EPM2A: variants seen among roughly 807,000 people sequenced by gnomAD.
The protein encoded by EPM2A is laforin.
A neutral mutation model predicts 26.5 loss-of-function variants in EPM2A; 21 were observed. The observed-to-expected ratio is 0.79, with a 90% CI of 0.56 to 1.14. The LOEUF (loss-of-function observed/expected upper bound fraction) is 1.14. Among genes scored for constraint, EPM2A ranks in the 50% most tolerant of loss-of-function variants. The pLI, the probability that EPM2A is intolerant of heterozygous loss-of-function variation, is 0.00. For synonymous variants in EPM2A, 217 were observed against 177.6 expected, an observed-to-expected ratio of 1.22 and a Z score of -1.76; for missense variants, 458 against 440.8, an observed-to-expected ratio of 1.04 and a Z score of -0.35.
intron 2 of EPM2A, among the ~76,000 whole-genome samples, chr6:145,515,182 C>T (rs767546951): frequency 1.3e-5 from 2 of 152,268 alleles, no homozygotes; most frequent in South Asian, 2.1e-4. Context: ...CAGAGAAAAA[C>T]AAACATCCTT....
chr6:145,477,991 T>C (rs1341406285), intron 4 of EPM2A, among the ~76,000 whole-genome samples: 1 of 151,536 alleles, frequency 6.6e-6, no homozygotes, highest in Non-Finnish European at 1.5e-5. Context: ...AGTCAAATTA[T>C]CCTTGTTTGC....
chr6:145,472,121 G>T (rs898388593), intron 4 of EPM2A, among the ~76,000 whole-genome samples: 1 of 151,658 alleles, frequency 6.6e-6, no homozygotes, highest in Non-Finnish European at 1.5e-5. Context: ...CCCCATTTCA[G>T]GTGCTACCTC....
intron 2 of EPM2A, among the ~76,000 whole-genome samples, chr6:145,671,836 A>T (rs1313426607): frequency 6.6e-6 from 1 of 152,242 alleles, no homozygotes; most frequent in African/African-American, 2.4e-5. Context: ...AAGTATAAAC[A>T]TGCTTTTACA....
intron 1 of EPM2A, among the ~76,000 whole-genome samples, chr6:145,732,163 G>A (rs951819191): frequency 2.7e-5 from 4 of 150,330 alleles, no homozygotes; most frequent in Non-Finnish European, 4.4e-5. Context: ...ATAGGAGTTC[G>A]ATTGTTTTCT....
Position 145,735,156 on chromosome 6 carries a change from A to G in EPM2A, c.301+42T>C, listed in dbSNP as rs932167495. On this transcript the variant is annotated intron_variant, in intron 1 of 3. Coordinates refer to ENST00000367519, the MANE Select transcript of EPM2A (RefSeq NM_005670.4). ...GGCCCCGGTTGGGGGTGCGGGCCGG[A>G]GCTCCCGCTCTGCGCCGGGGGCAGG... 5 of 1,415,492 alleles carry G rather than the reference A, an allele frequency of 3.5e-6. No homozygotes were observed. The Admixed American group carries it at 7.0e-5, about 20-fold the overall frequency. 87.7% of individuals were successfully genotyped at this position (1,415,492 alleles called of 1,614,324 possible).
At chr6:145,590,976 A>G (rs1781266672) in intron 2 of EPM2A, among the ~76,000 whole-genome samples, 1 of 152,198 alleles carries the variant, frequency 6.6e-6, no homozygotes, top group Non-Finnish European at 1.5e-5. Context: ...AAGAAATCTA[A>G]TGGAAAAAGT....
intron 2 of EPM2A, among the ~76,000 whole-genome samples, chr6:145,557,602 A>C (rs1457795092): frequency 6.6e-6 from 1 of 152,100 alleles, no homozygotes. Flanking sequence ...TTATCATTTT[A>C]TTTTTAAATT....
intron 1 of EPM2A, among the ~76,000 whole-genome samples, chr6:145,729,000 G>C (rs544012464): frequency 3.9e-5 from 6 of 152,228 alleles, no homozygotes; most frequent in South Asian, 2.1e-4. Context: ...TTGGTTAAAA[G>C]GGTCCCAAAT....
chr6:145,409,719 C>T (rs1358065662), intron 4 of EPM2A, among the ~76,000 whole-genome samples: 4 of 152,226 alleles, frequency 2.6e-5, no homozygotes, highest in African/African-American at 9.6e-5. Flanking sequence ...ACTATATGAG[C>T]TAGGGGGACT....
chr6:145,734,310 T>C (rs1776685344), intron 1 of EPM2A, among the ~76,000 whole-genome samples: 1 of 152,256 alleles, frequency 6.6e-6, no homozygotes, highest in East Asian at 1.9e-4. Context: ...AACATATTGT[T>C]AGGCAAGAAA....
chr6:145,457,047 G>C (rs142677679), intron 4 of EPM2A, among the ~76,000 whole-genome samples: 1 of 152,174 alleles, frequency 6.6e-6, no homozygotes, highest in Non-Finnish European at 1.5e-5. Context: ...TGCTAAGTGA[G>C]GTTTATGAGT....
intron 4 of EPM2A, among the ~76,000 whole-genome samples, chr6:145,439,091 G>A (rs570012637): frequency 6.6e-6 from 1 of 151,612 alleles, no homozygotes; most frequent in Non-Finnish European, 1.5e-5. Flanking sequence ...GCATTAGTTT[G>A]CTAAGGATAA....
At chr6:145,679,719 T>C (rs1780355199) in intron 2 of EPM2A, among the ~76,000 whole-genome samples, 1 of 152,170 alleles carries the variant, frequency 6.6e-6, no homozygotes. Flanking sequence ...TTCTGCAGGC[T>C]TCTTCGTTTA....
chr6:145,665,667 G>A (rs1489723098), intron 2 of EPM2A, among the ~76,000 whole-genome samples: 1 of 145,380 alleles, frequency 6.9e-6, no homozygotes, highest in Non-Finnish European at 1.5e-5. Flanking sequence ...CATTTTATGA[G>A]GCCAGCATCA....
chr6:145,635,255 C>G lies in EPM2A; in HGVS notation c.708G>C (p.Met236Ile), dbSNP rs1406772993. The G allele has an allele frequency of 9.3e-6, 15 of 1,614,038 alleles. No individual in the cohort carries two copies. Among genetic ancestry groups the G allele is most frequent in the Non-Finnish European group, 1.2e-5 (14 of 1,180,006 alleles). ...AGTTCTGATCCTTACCTTCGGTGCTCATATCTGGTGTTGGCATCCAGATGT... is the reference window on the plus strand; with the variant it reads ...AGTTCTGATCCTTACCTTCGGTGCTGATATCTGGTGTTGGCATCCAGATGT... ...LAYIWMPTPD[M>I]STEGRVQMLP... The change falls in exon 3 of 4, where the codon ATG becomes ATC. Residue 236 changes from methionine (M) to isoleucine (I), a missense_variant. Coordinates refer to ENST00000367519, the MANE Select transcript of EPM2A (RefSeq NM_005670.4).
At chr6:145,498,108 C>A (rs1409050231), downstream of EPM2A, among the ~76,000 whole-genome samples, 1 of 152,108 alleles carries the variant, frequency 6.6e-6, no homozygotes, top group African/African-American at 2.4e-5. Flanking sequence ...CTGGGGGATC[C>A]CTTCTCTCCC....
chr6:145,415,935 T>A (rs1485602306), intron 4 of EPM2A, among the ~76,000 whole-genome samples: 2 of 152,172 alleles, frequency 1.3e-5, no homozygotes, highest in Non-Finnish European at 2.9e-5. Flanking sequence ...CTCTCCATCC[T>A]CTTCTTTAGA....
At chr6:145,593,648 T>G (rs1431158607) in intron 2 of EPM2A, among the ~76,000 whole-genome samples, 1 of 151,936 alleles carries the variant, frequency 6.6e-6, no homozygotes, top group Non-Finnish European at 1.5e-5. Flanking sequence ...TTCCCAAATA[T>G]TGAAAGACTA....
intron 4 of EPM2A, among the ~76,000 whole-genome samples, chr6:145,477,634 A>G (rs1301780020): frequency 1.3e-5 from 2 of 151,958 alleles, no homozygotes; most frequent in Non-Finnish European, 2.9e-5. Context: ...ACATATGCAA[A>G]TCAATCAATG....
Sources: gnomAD v4.1 joint callset for allele counts (sites outside exome capture counted in the v4.1 genomes callset) on GRCh38, gnomAD v4.1.1 for gene constraint, MANE v1.5 for transcripts, NCBI Gene and HGNC (gene_info 2026-07-23, HGNC 2026-07-21) for gene names.